CFAP299: variants seen among roughly 807,000 people sequenced by gnomAD.
CFAP299 encodes cilia and flagella associated protein 299, also known as cilia- and flagella-associated protein 299.
In CFAP299, 21 loss-of-function variants were observed where a neutral mutation model predicts 27.0. That is an observed-to-expected ratio of 0.78 (90% confidence interval 0.55 to 1.12). The LOEUF is 1.12. Ranked by LOEUF, CFAP299 falls within the 50% of genes most tolerant of loss-of-function variation. CFAP299 has a pLI of 0.00. For missense variants in CFAP299, 310 were observed against 276.6 expected, an observed-to-expected ratio of 1.12 and a Z score of -0.86; for synonymous variants, 104 against 98.1, an observed-to-expected ratio of 1.06 and a Z score of -0.36.
chr4:80,924,514 A>ATGTGTGTGTGTGTGTGTGTG, intron 4 of CFAP299, among the ~76,000 whole-genome samples: 1 of 137,510 alleles, frequency 7.3e-6, no homozygotes, highest in African/African-American at 2.7e-5. Context: ...ACAATTCATT[A>ATGTGTGTGTGTGTGTGTGTG]TGTGTGTGTG....
intron 5 of CFAP299, among the ~76,000 whole-genome samples, chr4:80,949,008 T>C (rs1049635678): frequency 6.6e-6 from 1 of 152,210 alleles, no homozygotes; most frequent in Non-Finnish European, 1.5e-5. Flanking sequence ...GTAGGAACTA[T>C]GCAGAAATCT....
intron 3 of CFAP299, among the ~76,000 whole-genome samples, chr4:80,688,330 C>A (rs1477734135): frequency 6.6e-6 from 1 of 152,170 alleles, no homozygotes; most frequent in African/African-American, 2.4e-5. Context: ...TCCCAGCATG[C>A]AGCTGGAGAT....
intron 3 of CFAP299, among the ~76,000 whole-genome samples, chr4:80,670,851 G>A (rs1741437460): frequency 6.6e-6 from 1 of 152,164 alleles, no homozygotes; most frequent in African/African-American, 2.4e-5. Flanking sequence ...TTTTCTTCTT[G>A]TAAATTTGTT....
At chr4:80,700,178 G>A (rs756682180) in intron 3 of CFAP299, among the ~76,000 whole-genome samples, 8 of 152,014 alleles carry the variant, frequency 5.3e-5, no homozygotes, top group African/African-American at 1.4e-4. Flanking sequence ...TGTAGTTTCC[G>A]AAGGTAGAAT....
chr4:80,432,845 T>C (rs1727891355), intron 2 of CFAP299, among the ~76,000 whole-genome samples: 1 of 152,152 alleles, frequency 6.6e-6, no homozygotes, highest in African/African-American at 2.4e-5. Context: ...TTATATACTT[T>C]CTGTGCAAGG....
At chr4:80,570,282 A>G (rs965026152) in intron 2 of CFAP299, among the ~76,000 whole-genome samples, 11 of 152,044 alleles carry the variant, frequency 7.2e-5, no homozygotes, top group African/African-American at 2.7e-4. Flanking sequence ...ATTTTGATAT[A>G]TTGGTATATA....
chr4:80,603,673 A>G (rs1560650377), intron 3 of CFAP299, among the ~76,000 whole-genome samples: 1 of 152,234 alleles, frequency 6.6e-6, no homozygotes, highest in Admixed American at 6.5e-5. Flanking sequence ...TTTTTAATTT[A>G]GAAAAAATTG....
chr4:80,693,312 G>T (rs1720861520), intron 3 of CFAP299, among the ~76,000 whole-genome samples: 1 of 151,832 alleles, frequency 6.6e-6, no homozygotes, highest in Admixed American at 6.6e-5. Flanking sequence ...GTCCAACAAT[G>T]ATAGACTGGA....
chr4:80,727,642 A>G (rs1336269970), intron 3 of CFAP299, among the ~76,000 whole-genome samples: 1 of 152,088 alleles, frequency 6.6e-6, no homozygotes, highest in Non-Finnish European at 1.5e-5. Context: ...GCACATTTAA[A>G]GCATAAAATA....
At chr4:80,761,116 A>T (rs1725523097) in intron 3 of CFAP299, among the ~76,000 whole-genome samples, 1 of 152,190 alleles carries the variant, frequency 6.6e-6, no homozygotes, top group Non-Finnish European at 1.5e-5. Context: ...AAGACATGCC[A>T]TTTTAAAATT....
intron 3 of CFAP299, among the ~76,000 whole-genome samples, chr4:80,616,232 T>A (rs1738268216): frequency 6.6e-6 from 1 of 152,152 alleles, no homozygotes; most frequent in South Asian, 2.1e-4. Context: ...TTCCTTGTGA[T>A]CCCAGGCCTT....
At chr4:80,754,043 G>A (rs907713442) in intron 3 of CFAP299, among the ~76,000 whole-genome samples, 9 of 152,042 alleles carry the variant, frequency 5.9e-5, no homozygotes, top group Middle Eastern at 3.4e-3. Context: ...TTTTTTCCTT[G>A]GTTTTTTGTA....
chr4:80,487,762 C>T (rs1281021613), intron 2 of CFAP299, among the ~76,000 whole-genome samples: 1 of 152,142 alleles, frequency 6.6e-6, no homozygotes, highest in African/African-American at 2.4e-5. Flanking sequence ...TATCAAGACT[C>T]TAAGTTATTA....
chr4:80,917,110 A>G (rs1477758267), intron 4 of CFAP299, among the ~76,000 whole-genome samples: 2 of 152,174 alleles, frequency 1.3e-5, no homozygotes, highest in African/African-American at 4.8e-5. Context: ...ATTGCTCCAA[A>G]ATTTCTAACA....
At chr4:80,724,420 A>C in intron 3 of CFAP299, among the ~76,000 whole-genome samples, 1 of 151,812 alleles carries the variant, frequency 6.6e-6, no homozygotes, top group East Asian at 1.9e-4. Flanking sequence ...TTAATTACTC[A>C]TTTAAAAAAT....
intron 3 of CFAP299, among the ~76,000 whole-genome samples, chr4:80,866,011 A>G (rs1383293490): frequency 7.0e-6 from 1 of 143,124 alleles, no homozygotes; most frequent in Non-Finnish European, 1.5e-5. Context: ...TGGTACATGT[A>G]TACATATGTA....
At chr4:80,683,747 C>G (rs1200287047) in intron 3 of CFAP299, among the ~76,000 whole-genome samples, 1 of 152,046 alleles carries the variant, frequency 6.6e-6, no homozygotes, top group Non-Finnish European at 1.5e-5. Flanking sequence ...TTTTGTGTTT[C>G]TGGAGATATA....
chr4:80,808,445 A>T (rs981318351), intron 3 of CFAP299, among the ~76,000 whole-genome samples: 1 of 152,100 alleles, frequency 6.6e-6, no homozygotes, highest in African/African-American at 2.4e-5. Flanking sequence ...TCAGCACCAT[A>T]ATTTCACAAA....
At chr4:80,797,920 A>C (rs1281792549) in intron 3 of CFAP299, among the ~76,000 whole-genome samples, 1 of 152,122 alleles carries the variant, frequency 6.6e-6, no homozygotes, top group East Asian at 1.9e-4. Context: ...CAGCTAACCA[A>C]GCAAGTAAAC....
Sources: allele counts gnomAD v4.1 joint callset (sites outside exome capture counted in the v4.1 genomes callset), GRCh38; gene constraint gnomAD v4.1.1; transcripts MANE v1.5; gene names NCBI Gene and HGNC (gene_info 2026-07-23, HGNC 2026-07-21).